LHX5: variants seen among roughly 807,000 people sequenced by gnomAD.
LHX5 encodes LIM/homeobox protein Lhx5.
LHX5 carries 5 observed loss-of-function variants against 30.6 expected under a neutral mutation model. The ratio of observed to expected loss-of-function variants is 0.16; its 90% CI spans 0.09 to 0.34. LHX5 has a LOEUF of 0.34. LHX5 is among the 10% of genes least tolerant of loss of function. The pLI is 1.00. For missense variants in LHX5, 458 were observed against 570.6 expected (o/e 0.80, Z 2.01); for synonymous variants, 266 against 252.6 (o/e 1.05, Z -0.50).
intron 2 of LHX5, among the ~76,000 whole-genome samples, chr12:113,468,654 G>C (rs1958229132): frequency 1.3e-5 from 2 of 152,202 alleles, no homozygotes; most frequent in Admixed American, 6.5e-5. Context: ...CTAGTACCTG[G>C]GTAAGGGTAG....
chr12:113,463,642 G>T lies in LHX5; in HGVS notation c.842-85C>A. 1.4e-6 allele frequency: 2 copies of T among 1,393,668 alleles called. No homozygotes were observed. The highest frequency in any genetic ancestry group is 1.5e-5 in the South Asian group (1 of 68,664). The allele number at this position is 1,393,668 out of a possible 1,614,324, so 86.3% of individuals were successfully genotyped here. ...GACCCGGGACCCGGGGAGGGGACCC[G>T]GGCGGGCGAGAGAGGGGAGCGCGCG... On this transcript the variant is annotated intron_variant, in intron 4 of 4. Transcript: ENST00000261731. The surrounding 1 kb of genome is among the most constrained non-coding windows in gnomAD (Gnocchi z 6.7).
chr12:113,471,470 C>G lies in LHX5; in HGVS notation c.29G>C (p.Arg10Pro). The part of the protein sequence containing the change: MMVHCAGCE[R>P]PILDRFLLNV... ...CAGCAGAAAGCGGTCGAGGATGGGC[C>G]GCTCGCAACCGGCGCAGTGCACCAT... Residue 10 changes from arginine to proline, a missense_variant, in exon 1 of 5, where the codon CGG (arginine) becomes CCG (proline). This residue lies in a region of LHX5 where 178 missense variants were observed against 238.5 expected (regional missense o/e 0.75). Coordinates refer to ENST00000261731, the MANE Select transcript of LHX5 (RefSeq NM_022363.3). The G allele has an allele frequency of 6.2e-7, 1 of 1,608,622 alleles. No individual in the cohort carries two copies. Among genetic ancestry groups the G allele is most frequent in the Non-Finnish European group, 8.5e-7 (1 of 1,177,604 alleles).
rs1418003351 is a variant in LHX5 at position 113,463,175 on chromosome 12, G to A, written c.*15C>T. 3 of 1,492,368 alleles carry A rather than the reference G, an allele frequency of 2.0e-6. No individual in the cohort carries two copies. The highest frequency in any genetic ancestry group is 4.6e-5 in the Admixed American group (2 of 43,626). The allele number at this position is 1,492,368 out of a possible 1,614,324, so 92.4% of individuals were successfully genotyped here. A position where few individuals can be genotyped will look rare whatever the true frequency, so the allele number is the denominator to read the frequency against. On this transcript the variant is annotated 3_prime_UTR_variant, in exon 5 of 5. Coordinates refer to ENST00000261731, the MANE Select transcript of LHX5 (RefSeq NM_022363.3). This position sits in a 1 kb window ranked among gnomAD's most constrained non-coding sequence, Gnocchi z 6.7. ...GGGCCCCCGGGGGCCGAGCGCGGGGGGCGGCCCGGCGGCCTTACCACACGG... is the reference window on the plus strand; with the variant it reads ...GGGCCCCCGGGGGCCGAGCGCGGGGAGCGGCCCGGCGGCCTTACCACACGG...
In LHX5 at chr12:113,463,198, C is replaced by T. The variant is rs748221055; in HGVS notation, c.1201G>A (p.Val401Met). Residue 401 changes from valine (V) to methionine (M), a missense_variant, in exon 5 of 5, where the codon GTG becomes ATG. By Grantham distance (21) the Val-to-Met change is conservative. Coordinates refer to ENST00000261731, the MANE Select transcript of LHX5 (RefSeq NM_022363.3). The surrounding 1 kb of genome is among the most constrained non-coding windows in gnomAD (Gnocchi z 6.7). Reference protein sequence around the residue: ...HPNPELNEAAVW With the variant: ...HPNPELNEAAMW ...GGGGCGGCCCGGCGGCCTTACCACACGGCGGCTTCGTTGAGCTCGGGGTTG... is the reference window on the plus strand; with the variant it reads ...GGGGCGGCCCGGCGGCCTTACCACATGGCGGCTTCGTTGAGCTCGGGGTTG... The T allele has an allele frequency of 4.1e-5, 62 of 1,515,208 alleles. No individual in the cohort carries two copies. Among genetic ancestry groups the T allele is most frequent in the Non-Finnish European group, 5.1e-5 (58 of 1,138,152 alleles). 93.9% of individuals were successfully genotyped at this position (1,515,208 alleles called of 1,614,324 possible). A position where few individuals can be genotyped will look rare whatever the true frequency, so the allele number is the denominator to read the frequency against.
In LHX5 at chr12:113,463,231, A is replaced by G. The variant is rs1958187468; in HGVS notation, c.1168T>C (p.Ser390Pro). 2 of 1,525,216 alleles carry G rather than the reference A, an allele frequency of 1.3e-6. No homozygotes were observed. The highest frequency in any genetic ancestry group is 2.4e-5 in the South Asian group (2 of 83,414). 94.5% of individuals were successfully genotyped at this position (1,525,216 alleles called of 1,614,324 possible). The change falls in exon 5 of 5, where the codon TCG (serine) becomes CCG (proline). Residue 390 changes from serine (S) to proline (P), a missense_variant. This residue lies in a region of LHX5 where 255 missense variants were observed against 246.8 expected (regional missense o/e 1.03). Coordinates refer to ENST00000261731, the MANE Select transcript of LHX5 (RefSeq NM_022363.3). The surrounding 1 kb of genome is among the most constrained non-coding windows in gnomAD (Gnocchi z 6.7). ...SGTSGYSGPL[S>P]HPNPELNEAA... ...TCGTTGAGCTCGGGGTTGGGATGCG[A>G]CAGGGGTCCGCTGTAGCCGCTGGTG...
Position 113,467,444 on chromosome 12 carries a change from G to A in LHX5, c.676-23C>T. ...CACCTGGGACAGAGGAGGGGGCTGT[G>A]AACCCAGGATCAGGAGTGTCCTCTC... On this transcript the variant is annotated intron_variant, in intron 3 of 4. Coordinates refer to ENST00000261731, the MANE Select transcript of LHX5 (RefSeq NM_022363.3). This position sits in a 1 kb window ranked among gnomAD's most constrained non-coding sequence, Gnocchi z 6.3. The A allele has an allele frequency of 6.7e-7, 1 of 1,491,844 alleles. No individual in the cohort carries two copies. Among genetic ancestry groups the A allele is most frequent in the Non-Finnish European group, 9.0e-7 (1 of 1,110,856 alleles). 92.4% of individuals were successfully genotyped at this position (1,491,844 alleles called of 1,614,324 possible).
At chr12:113,470,300 AG>A (rs1210530873) in intron 1 of LHX5, among the ~76,000 whole-genome samples, 19 of 152,186 alleles carry the variant, frequency 1.2e-4, no homozygotes, top group African/African-American at 4.6e-4. Context: ...ACATTGATGT[AG>A]TGAGGGCATT....
At position 113,463,751 on chromosome 12, in the gene LHX5, G is replaced by A. The variant is rs1469333006; in HGVS notation, c.842-194C>T. 2.0e-5 allele frequency among the ~76,000 whole-genome samples: 3 copies of A among 152,152 alleles called. No homozygotes were observed. Among genetic ancestry groups the A allele is most frequent in the Admixed American group, 2.0e-4 (3 of 15,278 alleles). ...TCGCAGGCTCACGGGGAGGGTTGGG[G>A]AGAGAGACAATGAGAGATCTCGAAA... On this transcript the variant is annotated intron_variant, in intron 4 of 4. Transcript: ENST00000261731. This position sits in a 1 kb window ranked among gnomAD's most constrained non-coding sequence, Gnocchi z 6.7.
rs1958228408 is a variant in LHX5, at chr12:113,468,523, C to A, written c.398-119G>T. Reference sequence around the variant, plus strand: ...GGCCTGCCCAGGCTACGGCCAGCCCCGCTGGATTCCCTCCCAAACCTGCGA... The same window carrying A: ...GGCCTGCCCAGGCTACGGCCAGCCCAGCTGGATTCCCTCCCAAACCTGCGA... On this transcript the variant is annotated intron_variant, in intron 2 of 4. Coordinates refer to ENST00000261731, the MANE Select transcript of LHX5 (RefSeq NM_022363.3). 5.5e-6 allele frequency: 7 copies of A among 1,263,836 alleles called. No individual in the cohort carries two copies. The Admixed American group carries it at 1.7e-4, about 30-fold the overall frequency. The allele number at this position is 1,263,836 out of a possible 1,614,324, so 78.3% of individuals were successfully genotyped here.
chr12:113,466,942 A>G lies in LHX5; in HGVS notation c.841+314T>C, dbSNP rs538100101. Among the ~76,000 whole-genome samples the G allele has an allele frequency of 5.3e-5, 8 of 151,540 alleles. No homozygotes were observed. Among genetic ancestry groups the G allele is most frequent in the Admixed American group, 3.3e-4 (5 of 15,178 alleles). ...GTGTGAGAGGGTGGAATTTACCTAT[A>G]CGTGATCGTGCGATCGTGTCTAGAC... On this transcript the variant is annotated intron_variant, in intron 4 of 4. Transcript: ENST00000261731. The surrounding 1 kb of genome is among the most constrained non-coding windows in gnomAD (Gnocchi z 6.5).
Position 113,468,066 on chromosome 12 carries a change from T to G in LHX5, c.675+61A>C, listed in dbSNP as rs1046120670. On this transcript the variant is annotated intron_variant, in intron 3 of 4. Coordinates refer to ENST00000261731, the MANE Select transcript of LHX5 (RefSeq NM_022363.3). ...CCAAGGAAGCTTGGCGGGAGACTCC[T>G]CCGAGGCTCCCGGCTCCCAGGCCAG... is the stretch of plus-strand genomic sequence containing the variant. 16 of 1,457,180 alleles carry G rather than the reference T, an allele frequency of 1.1e-5. 1 individual carries two copies. The African/African-American group carries it at 2.3e-4, about 21-fold the overall frequency. 90.3% of individuals were successfully genotyped at this position (1,457,180 alleles called of 1,614,324 possible).
Position 113,467,467 on chromosome 12 carries a change from C to T in LHX5, c.676-46G>A. On this transcript the variant is annotated intron_variant, in intron 3 of 4. Coordinates refer to ENST00000261731, the MANE Select transcript of LHX5 (RefSeq NM_022363.3). The surrounding 1 kb of genome is among the most constrained non-coding windows in gnomAD (Gnocchi z 6.3). ...GTGAACCCAGGATCAGGAGTGTCCT[C>T]TCCCCCCCTCTTCTCCCTTCCCTGA... 1.4e-6 allele frequency: 2 copies of T among 1,395,780 alleles called. No homozygotes were observed. Among genetic ancestry groups the T allele is most frequent in the Non-Finnish European group, 1.9e-6 (2 of 1,061,020 alleles). The allele number at this position is 1,395,780 out of a possible 1,614,324, so 86.5% of individuals were successfully genotyped here.
At position 113,466,203 on chromosome 12, in the gene LHX5, T is replaced by C. The variant is rs1198267735; in HGVS notation, c.841+1053A>G. On this transcript the variant is annotated intron_variant, in intron 4 of 4. Transcript: ENST00000261731. The surrounding 1 kb of genome is among the most constrained non-coding windows in gnomAD (Gnocchi z 6.5). ...CAGAAGTGCAGATGCCTCTCAGACA[T>C]AGACAGTCCTGGGGTCTCTCCAAAT... Among the ~76,000 whole-genome samples, 1 of 152,172 alleles carries C rather than the reference T, an allele frequency of 6.6e-6. No individual in the cohort carries two copies. The highest frequency in any genetic ancestry group is 1.5e-5 in the Non-Finnish European group (1 of 68,034).
chr12:113,467,350 G>A lies in LHX5; in HGVS notation c.747C>T (p.His249=), dbSNP rs1332329961. ...TGCGCCGCGGACTCCGGAAGAAGGCGTGCCTCCGGGCGCCTAGGGCGCTCA... is the reference window on the plus strand; with the variant it reads ...TGCGCCGCGGACTCCGGAAGAAGGCATGCCTCCGGGCGCCTAGGGCGCTCA... ...KQLSALGARR[H]AFFRSPRRMR... The change falls in exon 4 of 5, where the codon CAC becomes CAT. Residue 249 remains histidine, a synonymous_variant. Coordinates refer to ENST00000261731, the MANE Select transcript of LHX5 (RefSeq NM_022363.3). The surrounding 1 kb of genome is among the most constrained non-coding windows in gnomAD (Gnocchi z 6.3). 1.9e-6 allele frequency: 3 copies of A among 1,589,140 alleles called. No individual in the cohort carries two copies. In the Admixed American group the frequency reaches 5.2e-5, roughly 27 times the overall value.
rs927230220 is a variant in LHX5 at position 113,465,202 on chromosome 12, A to T, written c.842-1645T>A. Among the ~76,000 whole-genome samples the T allele has an allele frequency of 1.3e-5, 2 of 152,204 alleles. No homozygotes were observed. Among genetic ancestry groups the T allele is most frequent in the Admixed American group, 6.5e-5 (1 of 15,288 alleles). On this transcript the variant is annotated intron_variant, in intron 4 of 4. Coordinates refer to ENST00000261731, the MANE Select transcript of LHX5 (RefSeq NM_022363.3). The surrounding 1 kb of genome is among the most constrained non-coding windows in gnomAD (Gnocchi z 6.7). ...GCAACAGCTAAAACGGTTGCCAATTACTTTTTAAAACCATTAATTTAATTC... is the reference window on the plus strand; with the variant it reads ...GCAACAGCTAAAACGGTTGCCAATTTCTTTTTAAAACCATTAATTTAATTC...
At chr12:113,468,542 C>G (rs1193447983) in intron 2 of LHX5, 138 bp from the exon 3 acceptor site, 2 of 1,091,094 alleles carry the variant, frequency 1.8e-6, no homozygotes, top group Non-Finnish European at 1.3e-6. Flanking sequence ...CCCTCCCAAA[C>G]CTGCGACAGC....
chr12:113,467,115 G>C lies in LHX5; in HGVS notation c.841+141C>G. 1 of 712,288 alleles carries C rather than the reference G, an allele frequency of 1.4e-6. No homozygotes were observed. The highest frequency in any genetic ancestry group is 2.0e-6 in the Non-Finnish European group (1 of 490,262). 44.1% of individuals were successfully genotyped at this position (712,288 alleles called of 1,614,324 possible). On this transcript the variant is annotated intron_variant, in intron 4 of 4. Transcript: ENST00000261731. The surrounding 1 kb of genome is among the most constrained non-coding windows in gnomAD (Gnocchi z 6.3). Reference sequence around the variant, plus strand: ...GATTTTGTGTCCAGGACATGTGGGTGAGTGTACATGTGTCTGTGATCGTGT... The same window carrying C: ...GATTTTGTGTCCAGGACATGTGGGTCAGTGTACATGTGTCTGTGATCGTGT...
rs2136974872 is a variant in LHX5, at chr12:113,462,454, G to C, written c.*736C>G. The C allele has an allele frequency of 6.6e-6, 1 of 152,382 alleles. No individual in the cohort carries two copies. The highest frequency in any genetic ancestry group is 1.5e-5 in the Non-Finnish European group (1 of 68,072). 9.4% of individuals were successfully genotyped at this position (152,382 alleles called of 1,614,324 possible). ...CCTCGGGCTCAACATAAACGTCAAA[G>C]TAAGGAAGAGCGGGAGCTGGACCCG... On this transcript the variant is annotated 3_prime_UTR_variant, in exon 5 of 5. Transcript: ENST00000261731.
In LHX5 at chr12:113,463,434, G is replaced by A; in HGVS notation, c.965C>T (p.Pro322Leu). ...GAGCGGCGGTTCCAGCGCTCCCAGCGGCGTCGAGCCGGGGCCAGAGGCCGC... is the reference window on the plus strand; with the variant it reads ...GAGCGGCGGTTCCAGCGCTCCCAGCAGCGTCGAGCCGGGGCCAGAGGCCGC... ...FLAASGPGSTPLGALEPPLAG... is the reference protein window; with the variant it reads ...FLAASGPGSTLLGALEPPLAG... The change falls in exon 5 of 5, where the codon CCG becomes CTG. Residue 322 changes from proline to leucine, a missense_variant. Pro to Leu is a moderately conservative substitution (Grantham distance 98, BLOSUM62 -3). Transcript: ENST00000261731. The surrounding 1 kb of genome is among the most constrained non-coding windows in gnomAD (Gnocchi z 6.7). 6.4e-7 allele frequency: 1 copy of A among 1,554,208 alleles called. No individual in the cohort carries two copies. Among genetic ancestry groups the A allele is most frequent in the Non-Finnish European group, 8.7e-7 (1 of 1,152,722 alleles).
Sources: gnomAD v4.1 joint callset for allele counts (sites outside exome capture counted in the v4.1 genomes callset) on GRCh38, gnomAD v4.1.1 for gene constraint, gnomAD v4.1.1 regional missense constraint, Gnocchi (gnomAD v3.1) non-coding constraint, MANE v1.5 for transcripts, NCBI Gene and HGNC (gene_info 2026-07-23, HGNC 2026-07-21) for gene names.